Variants in PPARG observed in about 807,000 individuals in gnomAD.
PPARG encodes peroxisome proliferator activated receptor gamma.
PPARG carries 17 observed loss-of-function variants against 39.2 expected under a neutral mutation model. That is an observed-to-expected ratio of 0.43 (90% confidence interval 0.30 to 0.65). The LOEUF (loss-of-function observed/expected upper bound fraction) is 0.65, where lower values mean the gene tolerates loss of function less well. Ranked by LOEUF, PPARG falls within the 30% of genes least tolerant of loss-of-function variation. PPARG has a pLI of 0.13. For synonymous variants in PPARG, 223 were observed against 215.7 expected (o/e 1.03, Z -0.30); for missense variants, 406 against 585.9 (o/e 0.69, Z 3.17).
intron 2 of PPARG, among the ~76,000 whole-genome samples, chr3:12,374,419 T>C (rs777551366): frequency 6.6e-6 from 1 of 151,898 alleles, no homozygotes; most frequent in Non-Finnish European, 1.5e-5. Flanking sequence ...GCCAACATAG[T>C]GAAACCCCTT....
chr3:12,350,553 A>C (rs1427092577), intron 2 of PPARG, among the ~76,000 whole-genome samples: 2 of 152,190 alleles, frequency 1.3e-5, no homozygotes, highest in Admixed American at 1.3e-4. Flanking sequence ...CTAATAGGCC[A>C]CTCATGTGAC....
intron 1 of PPARG, among the ~76,000 whole-genome samples, chr3:12,300,135 G>A (rs1482162627): frequency 6.6e-6 from 1 of 152,038 alleles, no homozygotes; most frequent in South Asian, 2.1e-4. Flanking sequence ...TATATACAGG[G>A]CCGTGAAATG....
intron 7 of PPARG, among the ~76,000 whole-genome samples, chr3:12,419,712 C>T (rs1433976250): frequency 6.6e-6 from 1 of 152,132 alleles, no homozygotes; most frequent in Non-Finnish European, 1.5e-5. Context: ...CATGATCCAC[C>T]TGCCTCAGCC....
intron 7 of PPARG, among the ~76,000 whole-genome samples, chr3:12,428,341 T>C (rs2051530793): frequency 6.6e-6 from 1 of 152,214 alleles, no homozygotes; most frequent in South Asian, 2.1e-4. Flanking sequence ...AGTAGGGAAC[T>C]AGTAATTGAC....
At chr3:12,317,303 A>C (rs936449741) in intron 2 of PPARG, among the ~76,000 whole-genome samples, 10 of 152,114 alleles carry the variant, frequency 6.6e-5, no homozygotes, top group African/African-American at 2.4e-4. Context: ...ATTTTTGTTC[A>C]TTTCTTTTCA....
At chr3:12,345,055 G>A (rs1367008822) in intron 2 of PPARG, among the ~76,000 whole-genome samples, 3 of 151,644 alleles carry the variant, frequency 2.0e-5, no homozygotes, top group Non-Finnish European at 2.9e-5. Flanking sequence ...AGTTTCAAAC[G>A]AAATAAAAAC....
At chr3:12,355,421 C>A (rs1302065144) in intron 2 of PPARG, among the ~76,000 whole-genome samples, 1 of 152,198 alleles carries the variant, frequency 6.6e-6, no homozygotes, top group Non-Finnish European at 1.5e-5. Context: ...CAGGCGTGAG[C>A]CATCGCAGCC....
intron 2 of PPARG, among the ~76,000 whole-genome samples, chr3:12,374,161 T>C (rs2125153663): frequency 6.6e-6 from 1 of 152,244 alleles, no homozygotes; most frequent in Middle Eastern, 3.4e-3. Flanking sequence ...CAGTATGCCC[T>C]TACTAGTAGA....
chr3:12,394,977 C>A (rs986730198), intron 5 of PPARG, among the ~76,000 whole-genome samples: 1 of 152,168 alleles, frequency 6.6e-6, no homozygotes. Context: ...TACTCCATTC[C>A]GTGTTAACCT....
intron 6 of PPARG, among the ~76,000 whole-genome samples, chr3:12,412,954 C>T (rs1005693388): frequency 6.6e-5 from 10 of 152,036 alleles, no homozygotes; most frequent in African/African-American, 2.4e-4. Flanking sequence ...ATCATTAAGA[C>T]AAAATTTGAG....
chr3:12,392,592 CT>C, intron 4 of PPARG, 21 bp from the exon 5 acceptor site: 1 of 1,613,348 alleles, frequency 6.2e-7, no homozygotes, highest in Non-Finnish European at 8.5e-7. Flanking sequence ...TTAAAATTTG[CT>C]TCTTTTTTAT....
intron 2 of PPARG, among the ~76,000 whole-genome samples, chr3:12,353,800 C>T (rs1404164935): frequency 6.6e-6 from 1 of 152,164 alleles, no homozygotes; most frequent in African/African-American, 2.4e-5. Context: ...CAAGCAACCC[C>T]AAGTAACCTC....
chr3:12,413,476 C>A (rs1271635972), intron 6 of PPARG, among the ~76,000 whole-genome samples: 4 of 152,096 alleles, frequency 2.6e-5, no homozygotes, highest in Non-Finnish European at 5.9e-5. Flanking sequence ...GAATTCTCTG[C>A]TAGTTCACCT....
At chr3:12,413,679 G>A (rs576302586) in intron 6 of PPARG, among the ~76,000 whole-genome samples, 10 of 152,130 alleles carry the variant, frequency 6.6e-5, no homozygotes, top group African/African-American at 1.7e-4. Flanking sequence ...AAATTGCCGG[G>A]CGTGGTGGTG....
intron 4 of PPARG, among the ~76,000 whole-genome samples, chr3:12,391,775 T>C (rs1421667551): frequency 6.6e-6 from 1 of 152,148 alleles, no homozygotes; most frequent in Non-Finnish European, 1.5e-5. Context: ...TGCAGTGCTT[T>C]TTGCACCAAA....
intron 1 of PPARG, among the ~76,000 whole-genome samples, chr3:12,305,183 T>C (rs967741307): frequency 6.6e-6 from 1 of 152,212 alleles, no homozygotes; most frequent in African/African-American, 2.4e-5. Context: ...TTCTGCTTCC[T>C]TTCCTCTCTT....
chr3:12,371,947 C>A, intron 2 of PPARG: 1 of 714,774 alleles, frequency 1.4e-6, no homozygotes, highest in South Asian at 1.5e-5. Flanking sequence ...TGATCTTGAT[C>A]TGCATGAATC....
rs575350231 is a variant in PPARG at position 12,401,253 on chromosome 3, TA to T, written c.530-4623del. Reference sequence around the variant, plus strand: ...ACCTAAGGCTCAAGAATTACTTAACTAAAAAACACCATCTCACAAACAATTT... The same window carrying T: ...ACCTAAGGCTCAAGAATTACTTAACTAAAAACACCATCTCACAAACAATTT... On this transcript the variant is annotated intron_variant, in intron 5 of 7. Coordinates refer to ENST00000651735, the MANE Select transcript of PPARG (RefSeq NM_138711.6). Among the ~76,000 whole-genome samples, 88 of 152,172 alleles carry T rather than the reference TA, an allele frequency of 5.8e-4. 1 individual carries two copies. The highest frequency in any genetic ancestry group is 6.8e-3 in the Middle Eastern group (2 of 294).
At chr3:12,380,493 A>T (rs2049604609) in intron 3 of PPARG, among the ~76,000 whole-genome samples, 1 of 152,178 alleles carries the variant, frequency 6.6e-6, no homozygotes, top group African/African-American at 2.4e-5. Context: ...GAAAAACTAG[A>T]ACTGCACTTT....
Sources: allele counts gnomAD v4.1 joint callset (sites outside exome capture counted in the v4.1 genomes callset), GRCh38; gene constraint gnomAD v4.1.1; transcripts MANE v1.5; gene names NCBI Gene and HGNC (gene_info 2026-07-23, HGNC 2026-07-21).